MYO16: variants seen among roughly 807,000 people sequenced by gnomAD.
MYO16 encodes the protein unconventional myosin-XVI.
Under a neutral mutation model 205.3 loss-of-function variants are expected in MYO16, and 94 were observed. The observed-to-expected ratio is 0.46, with a 90% confidence interval of 0.39 to 0.54. The LOEUF (loss-of-function observed/expected upper bound fraction) is 0.54, where lower values mean the gene tolerates loss of function less well. Among genes scored for constraint, MYO16 ranks in the 20% least tolerant of loss-of-function variants. The pLI is 0.00. For synonymous variants in MYO16, 988 were observed against 954.0 expected (o/e 1.04, Z -0.66); for missense variants, 2,315 against 2,387.5 (o/e 0.97, Z 0.63).
intron 16 of MYO16, among the ~76,000 whole-genome samples, chr13:108,920,687 T>C (rs988902535): frequency 8.5e-5 from 13 of 152,140 alleles, no homozygotes; most frequent in African/African-American, 3.1e-4. Context: ...TCAAACTCCT[T>C]ACCTCTGGTG....
rs144494992 is a variant in MYO16, at chr13:108,908,322, T to C, written c.1778-1681T>C. On this transcript the variant is annotated intron_variant, in intron 15 of 34. Transcript: ENST00000457511. ...AAGTTGTCTCTTTATACAACTTTTC[T>C]TACTAAGGGATATTAATTTTGAAAT... Among the ~76,000 whole-genome samples, 277 of 152,364 alleles carry C rather than the reference T, an allele frequency of 1.8e-3. 1 individual carries two copies. The highest frequency in any genetic ancestry group is 6.1e-3 in the African/African-American group (254 of 41,594).
chr13:108,549,201 G>A, the MYO16 span, among the ~76,000 whole-genome samples: 1 of 152,192 alleles, frequency 6.6e-6, no homozygotes, highest in Admixed American at 6.5e-5. Flanking sequence ...ATTAAGTTAG[G>A]AATCTTGAGA....
chr13:108,886,031 A>C (rs928438848), intron 13 of MYO16, among the ~76,000 whole-genome samples: 1 of 151,694 alleles, frequency 6.6e-6, no homozygotes, highest in African/African-American at 2.4e-5. Flanking sequence ...TCTGTCGCCC[A>C]GGCTGGAGTG....
At chr13:109,156,925 C>T (rs9521190) in intron 32 of MYO16, among the ~76,000 whole-genome samples, 64,601 of 152,086 alleles carry the variant, frequency 0.42, 14,492 homozygotes, top group Non-Finnish European at 0.49. Flanking sequence ...TGTTTCCTTT[C>T]CAGTCCTAAT....
At chr13:108,635,195 A>G (rs779141631) in intron 1 of MYO16, among the ~76,000 whole-genome samples, 21 of 152,194 alleles carry the variant, frequency 1.4e-4, no homozygotes, top group East Asian at 7.7e-4. Context: ...GAGGAGTAGC[A>G]CTTCAGATTA....
chr13:108,678,778 A>G (rs1882336005), intron 2 of MYO16, among the ~76,000 whole-genome samples: 1 of 152,100 alleles, frequency 6.6e-6, no homozygotes. Flanking sequence ...TGCAAATTCT[A>G]GAGATGGTAC....
In MYO16 at chr13:108,709,727, C is replaced by A. The variant is rs940784969; in HGVS notation, c.293-2934C>A. Among the ~76,000 whole-genome samples, 4 of 134,782 alleles carry A rather than the reference C, an allele frequency of 3.0e-5. 1 individual carries two copies. The highest frequency in any genetic ancestry group is 1.1e-4 in the African/African-American group (4 of 36,278). 88.4% of individuals were successfully genotyped at this position (134,782 alleles called of 152,430 possible). ...GTCTCTTACAATTCCAGTTTTTAAC[C>A]CTTAGCAGAGCCATAGAATTTAGTT... On this transcript the variant is annotated intron_variant, in intron 2 of 34. Coordinates refer to ENST00000457511, the MANE Select transcript of MYO16 (RefSeq NM_001198950.3).
chr13:108,775,534 G>T (rs1886096636), intron 4 of MYO16, among the ~76,000 whole-genome samples: 1 of 151,882 alleles, frequency 6.6e-6, no homozygotes, highest in Admixed American at 6.6e-5. Context: ...TTAAATAAAA[G>T]CTAACATAAT....
intron 16 of MYO16, among the ~76,000 whole-genome samples, chr13:108,923,649 G>A (rs979846639): frequency 7.2e-5 from 11 of 152,240 alleles, no homozygotes; most frequent in Admixed American, 4.6e-4. Context: ...CGGCCGGGGT[G>A]TTTGGGTCCG....
chr13:109,153,083 C>T (rs899303878), intron 32 of MYO16, among the ~76,000 whole-genome samples: 4 of 152,162 alleles, frequency 2.6e-5, no homozygotes, highest in Non-Finnish European at 5.9e-5. Context: ...CAAAACACGA[C>T]GTATCCATGA....
intron 22 of MYO16, among the ~76,000 whole-genome samples, chr13:109,012,037 TA>T (rs1885619944): frequency 6.6e-6 from 1 of 152,138 alleles, no homozygotes; most frequent in African/African-American, 2.4e-5. Context: ...TCTACACATT[TA>T]AAAGCACAGT....
chr13:108,737,962 T>G (rs1884764873), intron 4 of MYO16, among the ~76,000 whole-genome samples: 1 of 152,240 alleles, frequency 6.6e-6, no homozygotes, highest in Non-Finnish European at 1.5e-5. Flanking sequence ...AGTTTGTATT[T>G]CTGTGGGAGT....
At chr13:108,695,833 T>C (rs896657709) in intron 2 of MYO16, among the ~76,000 whole-genome samples, 51 of 152,154 alleles carry the variant, frequency 3.4e-4, no homozygotes, top group African/African-American at 1.2e-3. Flanking sequence ...GGAAACAAAG[T>C]AGAACACTGC....
intron 29 of MYO16, among the ~76,000 whole-genome samples, chr13:109,122,530 T>C (rs1489159976): frequency 6.6e-6 from 1 of 151,842 alleles, no homozygotes; most frequent in African/African-American, 2.4e-5. Context: ...AATACAAAAT[T>C]AGCCGGGCAT....
At chr13:109,013,228 G>A (rs1885677990) in intron 22 of MYO16, among the ~76,000 whole-genome samples, 1 of 149,752 alleles carries the variant, frequency 6.7e-6, no homozygotes. Flanking sequence ...TTGGTTTTCT[G>A]TCCTTGCGAT....
chr13:108,878,968 T>C (rs1232812411), intron 12 of MYO16, among the ~76,000 whole-genome samples: 1 of 152,252 alleles, frequency 6.6e-6, no homozygotes, highest in Non-Finnish European at 1.5e-5. Context: ...TATCTAGTCT[T>C]TGCACCAGCA....
intron 14 of MYO16, among the ~76,000 whole-genome samples, chr13:108,889,612 G>A (rs140468404): frequency 2.2e-3 from 328 of 152,288 alleles, no homozygotes; most frequent in African/African-American, 7.5e-3. Context: ...CTCTCTAGGG[G>A]CCTCTACCTA....
At chr13:108,506,534 C>A in the MYO16 span, among the ~76,000 whole-genome samples, 1 of 145,302 alleles carries the variant, frequency 6.9e-6, no homozygotes, top group Non-Finnish European at 1.5e-5. Flanking sequence ...TTAGTGATTT[C>A]ATTTATTAGT....
At chr13:108,947,893 T>C (rs1024789272) in intron 16 of MYO16, among the ~76,000 whole-genome samples, 4 of 152,250 alleles carry the variant, frequency 2.6e-5, no homozygotes, top group African/African-American at 9.6e-5. Context: ...AAGGATTCTG[T>C]TCTTTTCCTG....
Sources: allele counts gnomAD v4.1 joint callset (sites outside exome capture counted in the v4.1 genomes callset), GRCh38; gene constraint gnomAD v4.1.1; transcripts MANE v1.5; gene names NCBI Gene and HGNC (gene_info 2026-07-23, HGNC 2026-07-21).